ARIH2: variants seen among roughly 807,000 people sequenced by gnomAD.
ARIH2 encodes the protein E3 ubiquitin-protein ligase ARIH2.
ARIH2 carries 12 observed loss-of-function variants against 79.8 expected under a neutral mutation model. That is an observed-to-expected ratio of 0.15 (90% CI 0.10 to 0.24). ARIH2 has a LOEUF of 0.24. Ranked by LOEUF, ARIH2 falls within the 10% of genes least tolerant of loss-of-function variation. The probability of loss-of-function intolerance (pLI) is 1.00; values close to 1 mark genes in which losing one functional copy is unlikely to be tolerated. For missense variants in ARIH2, 301 were observed against 618.3 expected (o/e 0.49, Z 5.44); for synonymous variants, 224 against 213.9 (o/e 1.05, Z -0.41).
intron 4 of ARIH2, among the ~76,000 whole-genome samples, chr3:48,963,121 A>G (rs1265230511): frequency 6.6e-6 from 1 of 152,182 alleles, no homozygotes; most frequent in Non-Finnish European, 1.5e-5. Flanking sequence ...AGGACATACC[A>G]GCTGGAGCAG....
intron 3 of ARIH2, chr3:48,943,368 A>G (rs945900697): frequency 1.3e-5 from 2 of 151,940 alleles, no homozygotes; most frequent in Admixed American, 6.6e-5. Flanking sequence ...CCCGTCTCAG[A>G]GAAGCTGTGT....
chr3:48,975,318 T>C (rs1403061404), intron 11 of ARIH2, among the ~76,000 whole-genome samples: 1 of 152,228 alleles, frequency 6.6e-6, no homozygotes, highest in Admixed American at 6.5e-5. Flanking sequence ...TGTGCTACGT[T>C]GTAGATACCT....
chr3:48,967,187 C>A lies in ARIH2; in HGVS notation c.450C>A (p.Asn150Lys). Residue 150 changes from asparagine (N) to lysine (K), a missense_variant, in exon 6 of 16, where the codon AAC (asparagine) becomes AAA (lysine). This residue lies in a region of ARIH2 where 223 missense variants were observed against 349.4 expected (regional missense o/e 0.64). Transcript: ENST00000356401. Reference sequence around the variant, plus strand: ...GTATGCAGTTTGTGCGAAAGGAAAACCTACTCTCTCTGGCCTGTCAGCACC... The same window carrying A: ...GTATGCAGTTTGTGCGAAAGGAAAAACTACTCTCTCTGGCCTGTCAGCACC... ...AVCMQFVRKE[N>K]LLSLACQHQF... 2 of 1,614,220 alleles carry A rather than the reference C, an allele frequency of 1.2e-6. No individual in the cohort carries two copies. The highest frequency in any genetic ancestry group is 1.7e-6 in the Non-Finnish European group (2 of 1,180,046).
intron 3 of ARIH2, 59 bp from the exon 4 acceptor site, chr3:48,961,553 C>G: frequency 9.0e-7 from 1 of 1,114,834 alleles, no homozygotes; most frequent in Non-Finnish European, 1.3e-6. Flanking sequence ...TCTCAAAATG[C>G]GAAACACTTT....
At chr3:48,942,565 G>A (rs1036737173) in intron 3 of ARIH2, among the ~76,000 whole-genome samples, 45 of 149,494 alleles carry the variant, frequency 3.0e-4, no homozygotes, top group African/African-American at 1.0e-3. Flanking sequence ...TGCAACCTCC[G>A]CCTCCCCGGT....
chr3:48,977,523 T>C (rs1183198859), intron 11 of ARIH2, among the ~76,000 whole-genome samples: 1 of 152,014 alleles, frequency 6.6e-6, no homozygotes, highest in Non-Finnish European at 1.5e-5. Context: ...AGTGGTGCGA[T>C]CTCGGCTCAC....
At chr3:48,923,132 G>A (rs1018557323) in intron 2 of ARIH2, among the ~76,000 whole-genome samples, 1 of 151,626 alleles carries the variant, frequency 6.6e-6, no homozygotes, top group Non-Finnish European at 1.5e-5. Flanking sequence ...GCGTGAACCC[G>A]GGAGGCAGAG....
At chr3:48,969,959 C>A (rs1006526647) in intron 7 of ARIH2, among the ~76,000 whole-genome samples, 2 of 150,882 alleles carry the variant, frequency 1.3e-5, no homozygotes, top group South Asian at 4.2e-4. Flanking sequence ...GACACGATCT[C>A]AGCTCAATGC....
chr3:48,919,360 G>A, intron 1 of ARIH2: 3 of 588,864 alleles, frequency 5.1e-6, no homozygotes, highest in Non-Finnish European at 7.6e-6. Flanking sequence ...AGCGCTGCCC[G>A]CGCGGTTTAA....
At chr3:48,958,595 A>G (rs2090879323) in intron 3 of ARIH2, among the ~76,000 whole-genome samples, 1 of 152,164 alleles carries the variant, frequency 6.6e-6, no homozygotes, top group African/African-American at 2.4e-5. Flanking sequence ...CTGTAATCCC[A>G]GCTACTTGGG....
intron 8 of ARIH2, among the ~76,000 whole-genome samples, chr3:48,973,104 G>A (rs1400517316): frequency 1.3e-5 from 2 of 152,200 alleles, no homozygotes; most frequent in Non-Finnish European, 2.9e-5. Flanking sequence ...GTATAACTCT[G>A]GGTAGGTAAA....
intron 3 of ARIH2, among the ~76,000 whole-genome samples, chr3:48,929,455 G>A (rs1028759481): frequency 2.0e-5 from 3 of 151,500 alleles, no homozygotes; most frequent in African/African-American, 7.3e-5. Context: ...TCCCTTCGCC[G>A]CCTCATCTCT....
intron 3 of ARIH2, among the ~76,000 whole-genome samples, chr3:48,940,808 A>AATATATATATAT (rs1553702240): frequency 3.1e-5 from 3 of 98,044 alleles, no homozygotes; most frequent in Non-Finnish European, 3.9e-5. Flanking sequence ...AAAAAAAAAA[A>AATATATATATAT]ATATATATAT....
intron 1 of ARIH2, chr3:48,919,491 G>T: frequency 4.3e-6 from 1 of 232,980 alleles, no homozygotes. Context: ...GCCAGAAGCT[G>T]GTTGGGCAGC....
chr3:48,949,060 G>A (rs989347497), intron 3 of ARIH2: 2 of 456,704 alleles, frequency 4.4e-6, no homozygotes, highest in Admixed American at 4.7e-5. Flanking sequence ...CATTTCTCTT[G>A]TATAGATAAC....
intron 2 of ARIH2, among the ~76,000 whole-genome samples, chr3:48,925,494 TC>T (rs1233731599): frequency 3.3e-5 from 5 of 151,786 alleles, no homozygotes; most frequent in Non-Finnish European, 7.4e-5. Context: ...CCTCCTGGCC[TC>T]AAGGGATCCT....
At chr3:48,934,299 A>G (rs1236822128) in intron 3 of ARIH2, 1 of 743,512 alleles carries the variant, frequency 1.3e-6, no homozygotes, top group Admixed American at 6.3e-5. Context: ...ATGCCAAGTT[A>G]AAAGATAACA....
intron 4 of ARIH2, among the ~76,000 whole-genome samples, chr3:48,962,793 C>T (rs2091406219): frequency 6.6e-6 from 1 of 152,200 alleles, no homozygotes; most frequent in African/African-American, 2.4e-5. Context: ...AAAATTCCCT[C>T]TGGTGAGAAG....
Position 48,970,705 on chromosome 3 carries a change from G to C in ARIH2, c.770+1G>C, listed in dbSNP as rs1463507205. ...GCAATCGGTGCAACGAGGTCTTCTGGTAAGAGTGAGTGTGAGTGCTGAGCA... is the reference window on the plus strand; with the variant it reads ...GCAATCGGTGCAACGAGGTCTTCTGCTAAGAGTGAGTGTGAGTGCTGAGCA... On this transcript the variant is annotated splice_donor_variant, in intron 8 of 15. Coordinates refer to ENST00000356401, the MANE Select transcript of ARIH2 (RefSeq NM_006321.4). LOFTEE classifies it high-confidence loss of function. The C allele has an allele frequency of 6.2e-7, 1 of 1,611,226 alleles. No individual in the cohort carries two copies. The highest frequency in any genetic ancestry group is 1.7e-5 in the Admixed American group (1 of 59,984).
Sources: gnomAD v4.1 joint callset for allele counts (sites outside exome capture counted in the v4.1 genomes callset) on GRCh38, gnomAD v4.1.1 for gene constraint, gnomAD v4.1.1 regional missense constraint, MANE v1.5 for transcripts, NCBI Gene and HGNC (gene_info 2026-07-23, HGNC 2026-07-21) for gene names.